Variants in DSCAM observed in about 807,000 individuals in gnomAD.
DSCAM encodes the protein DS cell adhesion molecule.
In DSCAM, 47 loss-of-function variants were observed where a neutral mutation model predicts 217.7. That is an observed-to-expected ratio of 0.22 (90% CI 0.17 to 0.28). The LOEUF (loss-of-function observed/expected upper bound fraction) is 0.28. Among genes scored for constraint, DSCAM ranks in the 10% least tolerant of loss-of-function variants. DSCAM has a pLI of 1.00. For synonymous variants in DSCAM, 1,056 were observed against 1,015.3 expected, an observed-to-expected ratio of 1.04 and a Z score of -0.76; for missense variants, 2,080 against 2,618.3, an observed-to-expected ratio of 0.79 and a Z score of 4.49.
chr21:40,266,797 T>TAC lies in DSCAM; in HGVS notation c.2356+9299_2356+9300insGT, dbSNP rs1396704290. ...ACATGCATATATATATATATATATA[T>TAC]ATACACACACACACACCCCCACACA... On this transcript the variant is annotated intron_variant, in intron 11 of 32. Transcript: ENST00000400454. 9.7e-5 allele frequency among the ~76,000 whole-genome samples: 13 copies of TAC among 134,330 alleles called. No individual in the cohort carries two copies. In the South Asian group the frequency reaches 1.6e-3, roughly 17 times the overall value. 88.1% of individuals were successfully genotyped at this position (134,330 alleles called of 152,430 possible).
At chr21:40,625,478 G>A (rs2089588072) in intron 3 of DSCAM, among the ~76,000 whole-genome samples, 1 of 151,842 alleles carries the variant, frequency 6.6e-6, no homozygotes, top group African/African-American at 2.4e-5. Context: ...TCTCATCTCT[G>A]GCTTCCCTCC....
At position 40,612,021 on chromosome 21, in the gene DSCAM, C is replaced by A. The variant is rs566865785; in HGVS notation, c.508+80789G>T. ...ATCAGTGGATTTGAAATACACAGAGCAGGACTCAGAGAGCACATTGTGAGA... is the reference window on the plus strand; with the variant it reads ...ATCAGTGGATTTGAAATACACAGAGAAGGACTCAGAGAGCACATTGTGAGA... On this transcript the variant is annotated intron_variant, in intron 3 of 32. Transcript: ENST00000400454. Among the ~76,000 whole-genome samples the A allele has an allele frequency of 1.1e-4, 16 of 152,236 alleles. No individual in the cohort carries two copies. In the South Asian group the frequency reaches 3.3e-3, roughly 32 times the overall value.
chr21:40,604,105 A>C (rs928156587), intron 3 of DSCAM, among the ~76,000 whole-genome samples: 7 of 151,674 alleles, frequency 4.6e-5, no homozygotes, highest in African/African-American at 1.7e-4. Context: ...GTACTTGAAC[A>C]GTCTGTTTCT....
At chr21:40,188,990 T>C (rs1245855000) in intron 12 of DSCAM, 52 bp downstream of exon 12, 1 of 1,569,726 alleles carries the variant, frequency 6.4e-7, no homozygotes, top group African/African-American at 1.4e-5. Context: ...AAGGAAAGAC[T>C]TATTCTTCCA....
At chr21:40,349,213 TTTGCC>T (rs1482971120) in intron 5 of DSCAM, among the ~76,000 whole-genome samples, 1 of 149,216 alleles carries the variant, frequency 6.7e-6, no homozygotes, top group African/African-American at 2.5e-5. Flanking sequence ...TAAATCCTAA[TTTGCC>T]TTGTCCCAAG....
chr21:40,066,036 C>T (rs550779950), intron 27 of DSCAM, among the ~76,000 whole-genome samples: 1 of 152,364 alleles, frequency 6.6e-6, no homozygotes, highest in South Asian at 2.1e-4. Context: ...CCTCCATCGT[C>T]CCCACCGCCC....
At chr21:40,327,410 T>C (rs1371160487) in intron 8 of DSCAM, among the ~76,000 whole-genome samples, 9 of 152,216 alleles carry the variant, frequency 5.9e-5, no homozygotes, top group Admixed American at 5.9e-4. Flanking sequence ...CCTGCAACTT[T>C]ACTGAATTGG....
At position 40,012,984 on chromosome 21, in the gene DSCAM, ATTGAATTGT is replaced by A; in HGVS notation, c.*41_*49del. The A allele has an allele frequency of 7.9e-7, 1 of 1,265,084 alleles. No individual in the cohort carries two copies. The highest frequency in any genetic ancestry group is 1.0e-6 in the Non-Finnish European group (1 of 975,294). 78.4% of individuals were successfully genotyped at this position (1,265,084 alleles called of 1,614,324 possible). On this transcript the variant is annotated 3_prime_UTR_variant, in exon 33 of 33. Transcript: ENST00000400454. Reference sequence around the variant, plus strand: ...ATTCCGTAAAAAAAAGGTAGCTTTGATTGAATTGTTTGAATTGTATTTACAACCGCTGTC... The same window carrying A: ...ATTCCGTAAAAAAAAGGTAGCTTTGATTGAATTGTATTTACAACCGCTGTC...
In DSCAM at chr21:40,639,659, G is replaced by A. The variant is rs371830469; in HGVS notation, c.508+53151C>T. On this transcript the variant is annotated intron_variant, in intron 3 of 32. Coordinates refer to ENST00000400454, the MANE Select transcript of DSCAM (RefSeq NM_001389.5). The stretch of plus-strand genomic sequence containing the variant: ...TAATGTACAATTTGTATGGTTCTTC[G>A]TGATGCTTTGTGTATGTGTATGTGT... Among the ~76,000 whole-genome samples the A allele has an allele frequency of 2.5e-4, 37 of 149,226 alleles. 1 individual carries two copies. The South Asian group carries it at 3.3e-3, about 13-fold the overall frequency.
chr21:40,509,763 A>C (rs2076243482), intron 3 of DSCAM, among the ~76,000 whole-genome samples: 2 of 152,238 alleles, frequency 1.3e-5, no homozygotes. Flanking sequence ...AATTTTATAC[A>C]TGCATTCTGA....
intron 3 of DSCAM, among the ~76,000 whole-genome samples, chr21:40,611,958 A>T (rs1271132021): frequency 6.6e-6 from 1 of 152,242 alleles, no homozygotes; most frequent in East Asian, 1.9e-4. Context: ...AGAGAGGAAC[A>T]TGAGGTGGGA....
intron 1 of DSCAM, among the ~76,000 whole-genome samples, chr21:40,798,075 G>A (rs983621192): frequency 5.9e-5 from 9 of 152,032 alleles, no homozygotes; most frequent in Non-Finnish European, 1.3e-4. Flanking sequence ...TCAGCCTGGA[G>A]CCGCTTTAAG....
chr21:40,341,851 C>A (rs1365109356), intron 6 of DSCAM, among the ~76,000 whole-genome samples: 1 of 152,140 alleles, frequency 6.6e-6, no homozygotes, highest in Non-Finnish European at 1.5e-5. Flanking sequence ...TTTTCCAGAG[C>A]AGTCCGTATC....
rs1392772080 is a variant in DSCAM, at chr21:40,536,432, C to T, written c.508+156378G>A. Among the ~76,000 whole-genome samples the T allele has an allele frequency of 1.3e-4, 19 of 142,340 alleles. No homozygotes were observed. The South Asian group carries it at 3.2e-3, about 24-fold the overall frequency. The allele number at this position is 142,340 out of a possible 152,430, so 93.4% of individuals were successfully genotyped here. On this transcript the variant is annotated intron_variant, in intron 3 of 32. Coordinates refer to ENST00000400454, the MANE Select transcript of DSCAM (RefSeq NM_001389.5). ...TTTTTTTTTTTTTGAGACGGAGTCT[C>T]GCTGTGTCCCCCAGGCTGGAGTGCA...
chr21:40,477,941 C>T (rs576329678), intron 3 of DSCAM, among the ~76,000 whole-genome samples: 79 of 152,180 alleles, frequency 5.2e-4, no homozygotes, highest in African/African-American at 1.8e-3. Flanking sequence ...ACCCATGCAA[C>T]CCACATTTAG....
rs376245953 is a variant in DSCAM, at chr21:40,236,576, A to T, written c.2356+39521T>A. Among the ~76,000 whole-genome samples the T allele has an allele frequency of 3.9e-5, 6 of 152,142 alleles. No individual in the cohort carries two copies. The East Asian group carries it at 5.8e-4, about 15-fold the overall frequency. On this transcript the variant is annotated intron_variant, in intron 11 of 32. Coordinates refer to ENST00000400454, the MANE Select transcript of DSCAM (RefSeq NM_001389.5). ...GACACAGAGCACATGACGGGTTTTG[A>T]GTGACACCAGGGGTCAGGCTGCCCA...
chr21:40,744,177 G>A (rs1055378413), intron 1 of DSCAM, among the ~76,000 whole-genome samples: 1 of 152,138 alleles, frequency 6.6e-6, no homozygotes, highest in African/African-American at 2.4e-5. Context: ...AATCTTCATG[G>A]GAAGCCCACT....
chr21:40,310,134 G>A (rs1003244933), intron 9 of DSCAM, among the ~76,000 whole-genome samples: 2 of 152,174 alleles, frequency 1.3e-5, no homozygotes, highest in African/African-American at 2.4e-5. Context: ...TGGTCATCAG[G>A]ACCTTTTTAG....
rs145863686 is a variant in DSCAM, at chr21:40,084,501, AACACACACACACACACACACACAC to A, written c.4133-519_4133-496del. Among the ~76,000 whole-genome samples, 998 of 137,780 alleles carry A rather than the reference AACACACACACACACACACACACAC, an allele frequency of 7.2e-3. 12 individuals carry two copies. The highest frequency in any genetic ancestry group is 0.053 in the East Asian group (231 of 4,330). The allele number at this position is 137,780 out of a possible 152,430, so 90.4% of individuals were successfully genotyped here. ...TTTCTAAGCTATTGCTCCAAGATGC[AACACACACACACACACACACACAC>A]ACACACACACACACACACACACACA... On this transcript the variant is annotated intron_variant, in intron 23 of 32. Coordinates refer to ENST00000400454, the MANE Select transcript of DSCAM (RefSeq NM_001389.5).
Sources: allele counts gnomAD v4.1 joint callset (sites outside exome capture counted in the v4.1 genomes callset), GRCh38; gene constraint gnomAD v4.1.1; transcripts MANE v1.5; gene names NCBI Gene and HGNC (gene_info 2026-07-23, HGNC 2026-07-21).